HOXC4: variants seen among roughly 807,000 people sequenced by gnomAD.
HOXC4 encodes the protein homeobox protein Hox-C4.
A neutral mutation model predicts 25.5 loss-of-function variants in HOXC4; 15 were observed. The ratio of observed to expected loss-of-function variants is 0.59; its 90% CI spans 0.39 to 0.91. The LOEUF is 0.91. Among genes scored for constraint, HOXC4 ranks in the 40% least tolerant of loss-of-function variants. The pLI, the probability that HOXC4 is intolerant of heterozygous loss-of-function variation, is 0.00. For synonymous variants in HOXC4, 165 were observed against 148.0 expected, an observed-to-expected ratio of 1.11 and a Z score of -0.83; for missense variants, 342 against 352.4, an observed-to-expected ratio of 0.97 and a Z score of 0.24.
At chr12:54,024,885 A>G (rs989684410) in intron 1 of HOXC4, among the ~76,000 whole-genome samples, 1 of 152,238 alleles carries the variant, frequency 6.6e-6, no homozygotes, top group Non-Finnish European at 1.5e-5. Flanking sequence ...AGCGCTATCA[A>G]AAGCATGTGT....
At chr12:54,041,977 C>CTTTTTTTTTT (rs796328359) in intron 1 of HOXC4, among the ~76,000 whole-genome samples, 3 of 116,708 alleles carry the variant, frequency 2.6e-5, no homozygotes, top group Non-Finnish European at 5.2e-5. Context: ...CTTTTCTTTT[C>CTTTTTTTTTT]TTTTTTTTTT....
intron 1 of HOXC4, among the ~76,000 whole-genome samples, chr12:54,023,371 G>A (rs1940535299): frequency 6.6e-6 from 1 of 152,230 alleles, no homozygotes; most frequent in African/African-American, 2.4e-5. Flanking sequence ...GCAGCAATAA[G>A]TGAAGTGCTG....
chr12:54,054,957 C>G lies in HOXC4; in HGVS notation c.547C>G (p.Arg183Gly). 1 of 1,614,070 alleles carries G rather than the reference C, an allele frequency of 6.2e-7. No homozygotes were observed. Among genetic ancestry groups the G allele is most frequent in the Non-Finnish European group, 8.5e-7 (1 of 1,180,018 alleles). The change falls in exon 2 of 2, where the codon CGA (arginine) becomes GGA (glycine). Residue 183 changes from arginine (R) to glycine (G), a missense_variant. Coordinates refer to ENST00000430889, the MANE Select transcript of HOXC4 (RefSeq NM_153633.3). Reference protein sequence around the residue: ...KEFHYNRYLTRRRRIEIAHSL... With the variant: ...KEFHYNRYLTGRRRIEIAHSL... ...GTTTCATTACAACCGCTACCTGACC[C>G]GAAGGAGAAGGATCGAGATCGCCCA...
chr12:54,021,921 C>A (rs1285249747), intron 1 of HOXC4: 1 of 152,332 alleles, frequency 6.6e-6, no homozygotes, highest in Non-Finnish European at 1.5e-5. Flanking sequence ...TTCCAGCAAC[C>A]CCCTCCTGCC....
intron 1 of HOXC4, among the ~76,000 whole-genome samples, chr12:54,043,205 G>C (rs1406733942): frequency 6.6e-6 from 1 of 152,178 alleles, no homozygotes; most frequent in Non-Finnish European, 1.5e-5. Flanking sequence ...AGGCATGCTG[G>C]GGAGCAAGTG....
At chr12:54,033,085 C>G in intron 1 of HOXC4, 2 of 1,548,354 alleles carry the variant, frequency 1.3e-6, no homozygotes, top group Non-Finnish European at 1.8e-6. Context: ...CACCCTTAAT[C>G]AAAAAGGGTG....
At chr12:54,026,408 T>G (rs1264763905) in intron 1 of HOXC4, among the ~76,000 whole-genome samples, 1 of 152,210 alleles carries the variant, frequency 6.6e-6, no homozygotes, top group African/African-American at 2.4e-5. Context: ...CTCACATTGG[T>G]GTCTATGTTT....
At chr12:54,049,718 G>T (rs1387975325), upstream of HOXC4, among the ~76,000 whole-genome samples, 1 of 147,014 alleles carries the variant, frequency 6.8e-6, no homozygotes, top group African/African-American at 2.5e-5. Flanking sequence ...ATTAGCCCTG[G>T]CTGCCGGCAT....
upstream of HOXC4, among the ~76,000 whole-genome samples, chr12:54,051,180 C>T (rs1937836320): frequency 6.6e-6 from 1 of 152,026 alleles, no homozygotes; most frequent in African/African-American, 2.4e-5. Context: ...GCTCACAGCT[C>T]ACCTTTCCAG....
intron 1 of HOXC4, among the ~76,000 whole-genome samples, chr12:54,046,989 C>G (rs1937727378): frequency 6.6e-6 from 1 of 152,234 alleles, no homozygotes; most frequent in Non-Finnish European, 1.5e-5. Context: ...GGGTAGGGGC[C>G]GCAGTGGGGA....
chr12:54,037,830 T>C (rs1407718985), intron 1 of HOXC4: 1 of 152,214 alleles, frequency 6.6e-6, no homozygotes, highest in East Asian at 1.9e-4. Context: ...CCAAGTTTTA[T>C]GGTGTAGGGA....
intron 1 of HOXC4, chr12:54,034,743 C>T (rs1941136879): frequency 2.0e-6 from 1 of 511,104 alleles, no homozygotes; most frequent in Non-Finnish European, 3.6e-6. Context: ...CCAGGGCAAG[C>T]TCCGCAGGAC....
intron 1 of HOXC4, among the ~76,000 whole-genome samples, chr12:54,017,737 CTTA>C (rs1940220273): frequency 6.6e-6 from 1 of 152,092 alleles, no homozygotes; most frequent in Admixed American, 6.5e-5. Context: ...TCAGTACCTG[CTTA>C]TTATAGATCT....
At chr12:54,050,336 G>A (rs917639104), upstream of HOXC4, among the ~76,000 whole-genome samples, 6 of 152,240 alleles carry the variant, frequency 3.9e-5, no homozygotes, top group African/African-American at 1.2e-4. Context: ...TTAGAAAGGA[G>A]ATGGGGTGGA....
chr12:54,045,053 C>T (rs1380179743), intron 1 of HOXC4, among the ~76,000 whole-genome samples: 1 of 152,188 alleles, frequency 6.6e-6, no homozygotes, highest in African/African-American at 2.4e-5. Context: ...AGTTCCGGGC[C>T]CTCTTAGCAC....
chr12:54,023,476 G>A (rs908255928), intron 1 of HOXC4, among the ~76,000 whole-genome samples: 7 of 152,262 alleles, frequency 4.6e-5, no homozygotes, highest in South Asian at 2.1e-4. Context: ...TTTCTTCTCC[G>A]TTTAATTGTA....
intron 1 of HOXC4, 110 bp downstream of exon 1, chr12:54,054,471 T>A: frequency 4.8e-6 from 3 of 619,172 alleles, no homozygotes; most frequent in Non-Finnish European, 5.4e-6. Context: ...TCCCCCTCTC[T>A]CTCCAGGAGC....
At chr12:54,017,977 C>T (rs545349272) in intron 1 of HOXC4, among the ~76,000 whole-genome samples, 2 of 152,186 alleles carry the variant, frequency 1.3e-5, no homozygotes, top group Admixed American at 6.5e-5. Flanking sequence ...GCCGGGCCGC[C>T]GAGCAGGAAG....
chr12:54,026,914 G>A (rs1255969458), intron 1 of HOXC4, among the ~76,000 whole-genome samples: 1 of 151,844 alleles, frequency 6.6e-6, no homozygotes, highest in Non-Finnish European at 1.5e-5. Flanking sequence ...GGCGACATCC[G>A]GGTTCTTGTT....
Sources: gnomAD v4.1 joint callset for allele counts (sites outside exome capture counted in the v4.1 genomes callset) on GRCh38, gnomAD v4.1.1 for gene constraint, MANE v1.5 for transcripts, NCBI Gene and HGNC (gene_info 2026-07-23, HGNC 2026-07-21) for gene names.